The following PATJ variants were observed in gnomAD, a reference collection of about 807,000 sequenced individuals.
The protein encoded by PATJ is inaD-like protein.
In PATJ, 190 loss-of-function variants were observed where a neutral mutation model predicts 224.9. That is an observed-to-expected ratio of 0.84 (90% CI 0.75 to 0.95). The LOEUF (loss-of-function observed/expected upper bound fraction) is 0.95. Among genes scored for constraint, PATJ ranks in the 40% least tolerant of loss-of-function variants. The pLI, the probability that PATJ is intolerant of heterozygous loss-of-function variation, is 0.00. For synonymous variants in PATJ, 769 were observed against 820.3 expected (o/e 0.94, Z 1.07); for missense variants, 2,121 against 2,270.3 (o/e 0.93, Z 1.34).
chr1:61,929,324 G>T (rs759939207), intron 27 of PATJ, among the ~76,000 whole-genome samples: 4 of 152,192 alleles, frequency 2.6e-5, no homozygotes, highest in African/African-American at 9.7e-5. Context: ...CTTGCTAGTT[G>T]TGAGTTTTTG....
intron 41 of PATJ, among the ~76,000 whole-genome samples, chr1:62,147,931 C>T (rs781453245): frequency 3.3e-5 from 5 of 151,580 alleles, no homozygotes; most frequent in African/African-American, 1.2e-4. Flanking sequence ...CCATTGCACT[C>T]CAGCCTGGGT....
intron 29 of PATJ, among the ~76,000 whole-genome samples, chr1:62,036,736 G>A (rs1005011377): frequency 6.6e-6 from 1 of 151,832 alleles, no homozygotes; most frequent in Non-Finnish European, 1.5e-5. Context: ...GCCAGGTGTG[G>A]TGGCACATGC....
chr1:61,789,297 C>T (rs1052877854), intron 8 of PATJ, among the ~76,000 whole-genome samples: 1 of 150,088 alleles, frequency 6.7e-6, no homozygotes, highest in African/African-American at 2.4e-5. Context: ...CAGGGCAAGA[C>T]TCTATTAAAA....
At chr1:61,919,318 CT>C (rs71050182) in intron 26 of PATJ, among the ~76,000 whole-genome samples, 12 of 146,614 alleles carry the variant, frequency 8.2e-5, no homozygotes, top group Admixed American at 1.4e-4. Flanking sequence ...CTTTCTTTTT[CT>C]TTTTTTTTTG....
intron 31 of PATJ, among the ~76,000 whole-genome samples, chr1:62,058,111 A>G (rs993333436): frequency 1.3e-5 from 2 of 152,220 alleles, no homozygotes; most frequent in African/African-American, 4.8e-5. Flanking sequence ...AAGAATACAA[A>G]AATGAGAGTA....
intron 42 of PATJ, 71 bp from the exon 43 acceptor site, chr1:62,153,287 A>T (rs1349491082): frequency 8.8e-7 from 1 of 1,132,380 alleles, no homozygotes; most frequent in Non-Finnish European, 1.1e-6. Context: ...TCAAATCTGT[A>T]TTCTTCCAAT....
At chr1:62,063,117 T>G (rs2148653021) in intron 31 of PATJ, among the ~76,000 whole-genome samples, 1 of 152,326 alleles carries the variant, frequency 6.6e-6, no homozygotes. Flanking sequence ...CTAGGTTTTC[T>G]TCTAGGATTT....
At chr1:61,955,398 G>C (rs1367942847) in intron 27 of PATJ, among the ~76,000 whole-genome samples, 2 of 152,176 alleles carry the variant, frequency 1.3e-5, no homozygotes, top group South Asian at 2.1e-4. Flanking sequence ...CTCTGGAAGA[G>C]ACTGAGCTTA....
chr1:61,758,983 T>C (rs1466044272), intron 1 of PATJ, among the ~76,000 whole-genome samples: 2 of 152,292 alleles, frequency 1.3e-5, no homozygotes, highest in East Asian at 1.9e-4. Flanking sequence ...CAGACATCCA[T>C]AAATTCTCAG....
At chr1:62,142,952 T>C (rs1377691999) in intron 41 of PATJ, among the ~76,000 whole-genome samples, 1 of 152,158 alleles carries the variant, frequency 6.6e-6, no homozygotes, top group Non-Finnish European at 1.5e-5. Flanking sequence ...GATACCCGTT[T>C]TATATTTGAA....
intron 22 of PATJ, among the ~76,000 whole-genome samples, chr1:61,889,915 C>T (rs183423895): frequency 2.1e-4 from 32 of 152,250 alleles, no homozygotes; most frequent in Admixed American, 2.0e-3. Flanking sequence ...CTTCTTTGTT[C>T]CTAAGGTCAC....
chr1:61,932,442 T>C (rs1676168720), intron 27 of PATJ, among the ~76,000 whole-genome samples: 1 of 152,050 alleles, frequency 6.6e-6, no homozygotes, highest in Non-Finnish European at 1.5e-5. Context: ...GATTAGGGGA[T>C]TGTGTTGTTT....
chr1:61,915,819 C>T (rs2149240034), intron 26 of PATJ, among the ~76,000 whole-genome samples: 1 of 151,998 alleles, frequency 6.6e-6, no homozygotes, highest in Middle Eastern at 3.4e-3. Flanking sequence ...GCCTCAGCCT[C>T]CCAAGTTGCT....
At position 62,162,262 on chromosome 1, in the gene PATJ, C is replaced by T. The variant is rs1347900920; in HGVS notation, c.*1208C>T. On this transcript the variant is annotated 3_prime_UTR_variant, in exon 44 of 44. Coordinates refer to ENST00000642238, the MANE Select transcript of PATJ (RefSeq NM_001350145.3). ...GGAAAAGGAGGTAGAAGCCCCAGAA[C>T]CACACGGCAGAGATCAGCAAGTTTT... is the stretch of plus-strand genomic sequence containing the variant. The T allele has an allele frequency of 6.6e-6, 1 of 152,178 alleles. No homozygotes were observed. Among genetic ancestry groups the T allele is most frequent in the Non-Finnish European group, 1.5e-5 (1 of 68,040 alleles). 9.4% of individuals were successfully genotyped at this position (152,178 alleles called of 1,614,324 possible).
At chr1:61,832,696 G>A (rs1327544437) in intron 16 of PATJ, among the ~76,000 whole-genome samples, 1 of 152,114 alleles carries the variant, frequency 6.6e-6, no homozygotes, top group Non-Finnish European at 1.5e-5. Flanking sequence ...CCCTCACAGA[G>A]TTTCCATTCT....
At chr1:61,873,862 T>C (rs1183656166) in intron 20 of PATJ, among the ~76,000 whole-genome samples, 1 of 152,222 alleles carries the variant, frequency 6.6e-6, no homozygotes, top group African/African-American at 2.4e-5. Flanking sequence ...TTGTGTCTTA[T>C]GCAGGGGAGG....
At chr1:62,160,720 C>T (rs1321178465) in intron 43 of PATJ, among the ~76,000 whole-genome samples, 188 bp from the exon 44 acceptor site, 2 of 152,142 alleles carry the variant, frequency 1.3e-5, no homozygotes, top group Non-Finnish European at 2.9e-5. Flanking sequence ...TACTATTCAA[C>T]CATTATTATT....
chr1:61,801,215 A>G (rs1036098355), intron 11 of PATJ, among the ~76,000 whole-genome samples: 2 of 152,142 alleles, frequency 1.3e-5, no homozygotes, highest in South Asian at 2.1e-4. Flanking sequence ...AAGTGTTCCT[A>G]TTTCTCTACA....
At chr1:62,084,424 C>T (rs1446441299) in intron 32 of PATJ, 91 bp from the exon 33 acceptor site, 3 of 1,359,628 alleles carry the variant, frequency 2.2e-6, no homozygotes, top group African/African-American at 2.9e-5. Context: ...GTGATAAACA[C>T]ATGCAAGCCC....
Sources: allele counts gnomAD v4.1 joint callset (sites outside exome capture counted in the v4.1 genomes callset), GRCh38; gene constraint gnomAD v4.1.1; transcripts MANE v1.5; gene names NCBI Gene and HGNC (gene_info 2026-07-23, HGNC 2026-07-21).